Variants in CACNA1B observed in about 807,000 individuals in gnomAD.
CACNA1B encodes the protein calcium voltage-gated channel subunit alpha1 B.
Under a neutral mutation model 247.2 loss-of-function variants are expected in CACNA1B, and 70 were observed. That is an observed-to-expected ratio of 0.28 (90% CI 0.23 to 0.35). The LOEUF is 0.35. Ranked by LOEUF, CACNA1B falls within the 10% of genes least tolerant of loss-of-function variation. CACNA1B has a pLI of 1.00. For missense variants in CACNA1B, 2,367 were observed against 3,197.4 expected (o/e 0.74, Z 6.26); for synonymous variants, 1,231 against 1,294.4 (o/e 0.95, Z 1.05).
Position 137,882,322 on chromosome 9 carries a change from AC to A in CACNA1B, c.391-419del, listed in dbSNP as rs1159983654. Among the ~76,000 whole-genome samples, 1 of 152,122 alleles carries A rather than the reference AC, an allele frequency of 6.6e-6. No individual in the cohort carries two copies. The highest frequency in any genetic ancestry group is 6.5e-5 in the Admixed American group (1 of 15,276). ...TGACCTCATGGGGTATTAAAGGGCC[AC>A]CCTAGTTGATAAAGGAAAAACTACC... On this transcript the variant is annotated intron_variant, in intron 2 of 46. Transcript: ENST00000371372. The surrounding 1 kb of genome is among the most constrained non-coding windows in gnomAD (Gnocchi z 4.0).
At chr9:138,074,869 C>T (rs772428947) in intron 34 of CACNA1B, among the ~76,000 whole-genome samples, 1 of 152,224 alleles carries the variant, frequency 6.6e-6, no homozygotes, top group Admixed American at 6.5e-5. Context: ...AGGCCTGACC[C>T]GCGGCGGGGG....
At position 138,051,733 on chromosome 9, in the gene CACNA1B, T is replaced by G. The variant is rs1436245186; in HGVS notation, c.3711-359T>G. 6.6e-6 allele frequency among the ~76,000 whole-genome samples: 1 copy of G among 151,994 alleles called. No homozygotes were observed. The highest frequency in any genetic ancestry group is 2.1e-4 in the South Asian group (1 of 4,826). ...CCAGAAGATTCTCGCCCTAGAAACG[T>G]GCTTGTGGGCTCCCACTTCTGGGTC... On this transcript the variant is annotated intron_variant, in intron 24 of 46. Transcript: ENST00000371372. The surrounding 1 kb of genome is among the most constrained non-coding windows in gnomAD (Gnocchi z 4.3).
rs1402013299 is a variant in CACNA1B at position 138,100,790 on chromosome 9, C to G, written c.5223-1921C>G. 6.6e-6 allele frequency among the ~76,000 whole-genome samples: 1 copy of G among 152,108 alleles called. No individual in the cohort carries two copies. Among genetic ancestry groups the G allele is most frequent in the Non-Finnish European group, 1.5e-5 (1 of 67,996 alleles). ...GAAAGCCAGGCGTCAGAGGGTTTGG[C>G]TGACCTGGGAGGCCCAGGGAGCATC... On this transcript the variant is annotated intron_variant, in intron 37 of 46. Transcript: ENST00000371372. This position sits in a 1 kb window ranked among gnomAD's most constrained non-coding sequence, Gnocchi z 4.6.
chr9:137,930,122 A>G (rs756916368), intron 6 of CACNA1B, among the ~76,000 whole-genome samples: 12 of 152,162 alleles, frequency 7.9e-5, no homozygotes, highest in Non-Finnish European at 1.0e-4. Context: ...TTATGAGCCT[A>G]TTCATCACTT....
In CACNA1B at chr9:138,122,858, T is replaced by C. The variant is rs1386216834; in HGVS notation, c.*859T>C. The C allele has an allele frequency of 1.3e-5, 2 of 152,212 alleles. No individual in the cohort carries two copies. The highest frequency in any genetic ancestry group is 2.9e-5 in the Non-Finnish European group (2 of 68,038). 9.4% of individuals were successfully genotyped at this position (152,212 alleles called of 1,614,324 possible). ...CCCTCACACCCAGGCTCCTGGGCACTGTGGTGTGAGGCGAGGCCTCGGGAT... is the reference window on the plus strand; with the variant it reads ...CCCTCACACCCAGGCTCCTGGGCACCGTGGTGTGAGGCGAGGCCTCGGGAT... On this transcript the variant is annotated 3_prime_UTR_variant, in exon 47 of 47. Transcript: ENST00000371372.
rs1437322196 is a variant in CACNA1B at position 137,913,960 on chromosome 9, G to A, written c.622+689G>A. Among the ~76,000 whole-genome samples, 1 of 152,216 alleles carries A rather than the reference G, an allele frequency of 6.6e-6. No homozygotes were observed. Among genetic ancestry groups the A allele is most frequent in the Non-Finnish European group, 1.5e-5 (1 of 68,044 alleles). On this transcript the variant is annotated intron_variant, in intron 4 of 46. Coordinates refer to ENST00000371372, the MANE Select transcript of CACNA1B (RefSeq NM_000718.4). This position sits in a 1 kb window ranked among gnomAD's most constrained non-coding sequence, Gnocchi z 5.2. ...GGTTCTGGCCCATATCCAAGTGCTGGGGCCAGACTCGAAGGGGAGGGGTCA... is the reference window on the plus strand; with the variant it reads ...GGTTCTGGCCCATATCCAAGTGCTGAGGCCAGACTCGAAGGGGAGGGGTCA...
In CACNA1B at chr9:138,118,771, A is replaced by G. The variant is rs200130612; in HGVS notation, c.6030+3A>G. 5.0e-5 allele frequency: 70 copies of G among 1,413,516 alleles called. No individual in the cohort carries two copies. The highest frequency in any genetic ancestry group is 1.9e-4 in the Middle Eastern group (1 of 5,392). 87.6% of individuals were successfully genotyped at this position (1,413,516 alleles called of 1,614,324 possible). ...CCCGCCTTGCGGCCGAGACTCAGGTAGGTGGTCTGGGAGGGTCCAGGCCCT... is the reference window on the plus strand; with the variant it reads ...CCCGCCTTGCGGCCGAGACTCAGGTGGGTGGTCTGGGAGGGTCCAGGCCCT... On this transcript the variant is annotated splice_donor_region_variant and intron_variant, in intron 44 of 46. Coordinates refer to ENST00000371372, the MANE Select transcript of CACNA1B (RefSeq NM_000718.4).
At chr9:137,901,293 T>G (rs1329817187) in intron 3 of CACNA1B, among the ~76,000 whole-genome samples, 1 of 151,896 alleles carries the variant, frequency 6.6e-6, no homozygotes, top group Non-Finnish European at 1.5e-5. Context: ...TGTCCGTGTC[T>G]GTGCCATGTG....
chr9:137,892,530 T>C, intron 3 of CACNA1B: 1 of 370,518 alleles, frequency 2.7e-6, no homozygotes, highest in South Asian at 2.0e-5. Flanking sequence ...TTCTCACGCT[T>C]CTCTGTCATC....
In CACNA1B at chr9:138,083,831, TAG is replaced by T. The variant is rs1960606874; in HGVS notation, c.5094+5574_5094+5575del. 2.7e-5 allele frequency among the ~76,000 whole-genome samples: 4 copies of T among 150,450 alleles called. 1 individual carries two copies. In the East Asian group the frequency reaches 8.4e-4, roughly 31 times the overall value. On this transcript the variant is annotated intron_variant, in intron 36 of 46. Transcript: ENST00000371372. ...AAATGAGAGCGGTGCTCTGCCATTC[TAG>T]GGTACTTGCTGCTGCTACACCTGTT...
chr9:138,063,322 G>C (rs545599523), intron 31 of CACNA1B, among the ~76,000 whole-genome samples: 1 of 152,176 alleles, frequency 6.6e-6, no homozygotes, highest in Non-Finnish European at 1.5e-5. Flanking sequence ...GCGAGACCCT[G>C]TCTCTGTAAA....
Position 138,053,846 on chromosome 9 carries a change from G to A in CACNA1B, c.3808G>A (p.Ala1270Thr). The A allele has an allele frequency of 2.5e-6, 4 of 1,610,936 alleles. No homozygotes were observed. The highest frequency in any genetic ancestry group is 3.4e-6 in the Non-Finnish European group (4 of 1,177,476). ...CATGGCTCCACCCCTCCTCCTGCAG[G>A]CTGTGTTTGACTGTGTGGTGAACTC... ...KTIKRLPKLK[A>T]VFDCVVNSLK... The change falls in exon 26 of 47, where the codon GCT becomes ACT. Residue 1270 changes from alanine (A) to threonine (T), a missense_variant and splice_region_variant. By Grantham distance (58) the Ala-to-Thr change is moderately conservative. Around this residue, in one of 12 missense-constraint regions of CACNA1B, gnomAD observed 436 missense variants for 679.5 expected, o/e 0.64. Transcript: ENST00000371372.
At chr9:137,904,776 G>A (rs550249370) in intron 3 of CACNA1B, among the ~76,000 whole-genome samples, 1 of 152,134 alleles carries the variant, frequency 6.6e-6, no homozygotes, top group African/African-American at 2.4e-5. Context: ...GTTCCTGGGA[G>A]TTTTATCACT....
chr9:138,047,595 T>C, intron 23 of CACNA1B, 137 bp downstream of exon 23: 2 of 657,128 alleles, frequency 3.0e-6, no homozygotes, highest in Non-Finnish European at 5.5e-6. Context: ...GTACTGGGTG[T>C]GTGCTCAGCA....
chr9:137,916,724 C>T (rs1957415926), intron 5 of CACNA1B, among the ~76,000 whole-genome samples: 1 of 151,530 alleles, frequency 6.6e-6, no homozygotes, highest in Non-Finnish European at 1.5e-5. Context: ...GTACAGTCAG[C>T]GTGGCAGTTT....
At chr9:137,895,710 G>T (rs1034326676) in intron 3 of CACNA1B, among the ~76,000 whole-genome samples, 6 of 152,198 alleles carry the variant, frequency 3.9e-5, no homozygotes, top group African/African-American at 1.4e-4. Flanking sequence ...TAACTTAGTA[G>T]TAGTTCTAGG....
rs1960247948 is a variant in CACNA1B at position 138,074,537 on chromosome 9, G to A, written c.4857+471G>A. Among the ~76,000 whole-genome samples the A allele has an allele frequency of 4.6e-5, 7 of 152,216 alleles. 1 individual carries two copies. Among genetic ancestry groups the A allele is most frequent in the Admixed American group, 4.6e-4 (7 of 15,286 alleles). On this transcript the variant is annotated intron_variant, in intron 34 of 46. Coordinates refer to ENST00000371372, the MANE Select transcript of CACNA1B (RefSeq NM_000718.4). The stretch of plus-strand genomic sequence containing the variant: ...ATTACAGGTGTGAGCCACCGCGCCT[G>A]GCCTAAACTTACGTAACCCTCAGAA...
rs201566381 is a variant in CACNA1B, at chr9:138,123,665, C to T, written c.*1666C>T. On this transcript the variant is annotated 3_prime_UTR_variant, in exon 47 of 47. Transcript: ENST00000371372. ...GTCATTAACCCATAGGGCTATGCAA[C>T]AAAAGACACATTTAATAGAAGTAAA... is the stretch of plus-strand genomic sequence containing the variant. The T allele has an allele frequency of 6.6e-6, 1 of 151,792 alleles. No individual in the cohort carries two copies. The highest frequency in any genetic ancestry group is 1.5e-5 in the Non-Finnish European group (1 of 68,012). The allele number at this position is 151,792 out of a possible 1,614,324, so 9.4% of individuals were successfully genotyped here. A position where few individuals can be genotyped will look rare whatever the true frequency, so the allele number is the denominator to read the frequency against.
intron 6 of CACNA1B, among the ~76,000 whole-genome samples, chr9:137,939,842 AT>A (rs1194853346): frequency 7.2e-5 from 10 of 138,140 alleles, no homozygotes; most frequent in Admixed American, 7.0e-4. Flanking sequence ...AAATAAATAA[AT>A]AAATAAAAAA....
Sources: gnomAD v4.1 joint callset for allele counts (sites outside exome capture counted in the v4.1 genomes callset) on GRCh38, gnomAD v4.1.1 for gene constraint, gnomAD v4.1.1 regional missense constraint, Gnocchi (gnomAD v3.1) non-coding constraint, MANE v1.5 for transcripts, NCBI Gene and HGNC (gene_info 2026-07-23, HGNC 2026-07-21) for gene names.